Variants in CDK13 observed in about 807,000 individuals in gnomAD.
CDK13 encodes cyclin dependent kinase 13.
A neutral mutation model predicts 137.6 loss-of-function variants in CDK13; 40 were observed. That is an observed-to-expected ratio of 0.29 (90% CI 0.23 to 0.38). The LOEUF (loss-of-function observed/expected upper bound fraction) is 0.38, where lower values mean the gene tolerates loss of function less well. CDK13 is among the 10% of genes least tolerant of loss of function. CDK13 has a pLI of 1.00. For synonymous variants in CDK13, 869 were observed against 760.1 expected (o/e 1.14, Z -2.36); for missense variants, 1,704 against 1,951.8 (o/e 0.87, Z 2.39).
chr7:39,992,348 C>G (rs1400164067), intron 2 of CDK13, among the ~76,000 whole-genome samples: 1 of 152,018 alleles, frequency 6.6e-6, no homozygotes, highest in African/African-American at 2.4e-5. Flanking sequence ...CAGGCGCACA[C>G]CAGCATGCCC....
At chr7:39,959,258 T>G (rs1428133733) in intron 1 of CDK13, among the ~76,000 whole-genome samples, 2 of 151,336 alleles carry the variant, frequency 1.3e-5, no homozygotes, top group Non-Finnish European at 2.9e-5. Flanking sequence ...GCCTCCCGGG[T>G]TCAAGCGATT....
intron 5 of CDK13, among the ~76,000 whole-genome samples, chr7:40,014,211 GGCAAGT>G (rs1784956426): frequency 6.6e-6 from 1 of 151,368 alleles, no homozygotes; most frequent in South Asian, 2.1e-4. Context: ...TGAGACTACA[GGCAAGT>G]GCTGCCACGC....
intron 2 of CDK13, among the ~76,000 whole-genome samples, chr7:39,995,956 G>A (rs1236899717): frequency 6.6e-6 from 1 of 152,176 alleles, no homozygotes; most frequent in Non-Finnish European, 1.5e-5. Flanking sequence ...GTTGCACTCC[G>A]TCTGGATCAT....
At chr7:39,957,569 A>G (rs1230539960) in intron 1 of CDK13, among the ~76,000 whole-genome samples, 1 of 152,220 alleles carries the variant, frequency 6.6e-6, no homozygotes, top group East Asian at 1.9e-4. Context: ...ATACTCTAGG[A>G]TAGGGCAGGT....
chr7:40,053,849 C>T (rs1433510817), intron 7 of CDK13, among the ~76,000 whole-genome samples: 1 of 151,558 alleles, frequency 6.6e-6, no homozygotes, highest in Non-Finnish European at 1.5e-5. Context: ...TTTCCTTTCA[C>T]AAGAATTATT....
intron 5 of CDK13, among the ~76,000 whole-genome samples, chr7:40,038,087 A>G (rs796222855): frequency 3.3e-5 from 5 of 152,302 alleles, no homozygotes; most frequent in African/African-American, 1.2e-4. Flanking sequence ...TACATTCAGA[A>G]TAGTGTCACT....
intron 7 of CDK13, chr7:40,049,020 A>G (rs867223028): frequency 1.3e-5 from 2 of 150,718 alleles, no homozygotes; most frequent in African/African-American, 2.5e-5. Flanking sequence ...CCTGGCCAAC[A>G]TGGTGAAACC....
intron 1 of CDK13, among the ~76,000 whole-genome samples, chr7:39,973,422 C>T (rs1200247812): frequency 6.6e-6 from 1 of 152,198 alleles, no homozygotes; most frequent in Admixed American, 6.5e-5. Context: ...GGGCATGAGA[C>T]ACCATGCCTG....
chr7:39,997,858 A>C (rs1484911947), intron 3 of CDK13, 194 bp downstream of exon 3: 2 of 501,404 alleles, frequency 4.0e-6, no homozygotes, highest in Non-Finnish European at 7.0e-6. Flanking sequence ...TAATAAAACC[A>C]AATTTAATTT....
rs764627839 is a variant in CDK13 at position 40,081,793 on chromosome 7, G to GT, written c.3029+2943dup. ...ACGCCCGGCTAATTTTGTATTTTTA[G>GT]TAGAGACAGGGTTTCTCCATGTTGG... On this transcript the variant is annotated intron_variant, in intron 11 of 13. Coordinates refer to ENST00000181839, the MANE Select transcript of CDK13 (RefSeq NM_003718.5). Among the ~76,000 whole-genome samples, 12 of 152,172 alleles carry GT rather than the reference G, an allele frequency of 7.9e-5. 1 individual carries two copies. The South Asian group carries it at 1.2e-3, about 16-fold the overall frequency.
intron 1 of CDK13, among the ~76,000 whole-genome samples, chr7:39,957,343 A>G (rs1210750369): frequency 9.6e-6 from 1 of 104,166 alleles, no homozygotes; most frequent in African/African-American, 2.8e-5. Context: ...TTTGTTGTAG[A>G]GTTTTAAAAA....
At chr7:40,064,832 C>T (rs1786242991) in intron 9 of CDK13, among the ~76,000 whole-genome samples, 2 of 147,644 alleles carry the variant, frequency 1.4e-5, no homozygotes, top group Non-Finnish European at 3.0e-5. Flanking sequence ...CACTTTGTTG[C>T]CTAGGCTGGA....
chr7:40,036,570 C>A (rs1445082915), intron 5 of CDK13, among the ~76,000 whole-genome samples: 3 of 150,916 alleles, frequency 2.0e-5, no homozygotes, highest in East Asian at 1.9e-4. Flanking sequence ...GACTCCGTCT[C>A]AAAAAAAATT....
chr7:40,061,049 CA>C (rs1438836700), intron 7 of CDK13: 2 of 146,996 alleles, frequency 1.4e-5, no homozygotes, highest in Admixed American at 6.8e-5. Context: ...GCCTGGGCGA[CA>C]AGAGTGAGAC....
intron 11 of CDK13, among the ~76,000 whole-genome samples, chr7:40,080,224 G>A (rs1399759969): frequency 1.3e-5 from 2 of 152,048 alleles, no homozygotes; most frequent in East Asian, 3.9e-4. Context: ...TTGACCTCAG[G>A]TGATCCACCC....
intron 2 of CDK13, among the ~76,000 whole-genome samples, chr7:39,994,717 C>T (rs1784526697): frequency 6.6e-6 from 1 of 152,074 alleles, no homozygotes; most frequent in East Asian, 1.9e-4. Flanking sequence ...ATTCATAGTT[C>T]TTTATAAAAC....
At chr7:40,037,129 C>T (rs1445182629) in intron 5 of CDK13, among the ~76,000 whole-genome samples, 2 of 152,068 alleles carry the variant, frequency 1.3e-5, no homozygotes, top group African/African-American at 4.8e-5. Flanking sequence ...CTTTTTTCCT[C>T]TAAATAGTAA....
intron 5 of CDK13, among the ~76,000 whole-genome samples, chr7:40,017,965 G>C (rs1242742215): frequency 2.0e-5 from 3 of 149,174 alleles, no homozygotes; most frequent in Non-Finnish European, 4.5e-5. Context: ...GAGGATTCCT[G>C]TTTCACTGAT....
Position 40,074,151 on chromosome 7 carries a change from C to T in CDK13, c.2781-3854C>T, listed in dbSNP as rs570914856. On this transcript the variant is annotated intron_variant, in intron 9 of 13. Coordinates refer to ENST00000181839, the MANE Select transcript of CDK13 (RefSeq NM_003718.5). ...TCCTGCTCAAGCAATCCACCTGCAT[C>T]GGCCTTCCAAAGTGCTGTGATTAGA... Among the ~76,000 whole-genome samples the T allele has an allele frequency of 7.2e-5, 11 of 152,132 alleles. No individual in the cohort carries two copies. The East Asian group carries it at 1.2e-3, about 16-fold the overall frequency.
Sources: gnomAD v4.1 joint callset for allele counts (sites outside exome capture counted in the v4.1 genomes callset) on GRCh38, gnomAD v4.1.1 for gene constraint, MANE v1.5 for transcripts, NCBI Gene and HGNC (gene_info 2026-07-23, HGNC 2026-07-21) for gene names.